PCDHA2: variants seen among roughly 807,000 people sequenced by gnomAD.
PCDHA2 encodes the protein protocadherin alpha-2.
In PCDHA2, 58 loss-of-function variants were observed where a neutral mutation model predicts 66.0. That is an observed-to-expected ratio of 0.88 (90% confidence interval 0.71 to 1.09). PCDHA2 has a LOEUF of 1.09. PCDHA2 is among the 50% of genes least tolerant of loss of function. The probability of loss-of-function intolerance (pLI) is 0.00; values close to 1 mark genes in which losing one functional copy is unlikely to be tolerated. For missense variants in PCDHA2, 1,267 were observed against 1,242.3 expected (o/e 1.02, Z -0.30); for synonymous variants, 634 against 554.0 (o/e 1.14, Z -2.03).
intron 1 of PCDHA2, chr5:140,968,133 A>G (rs782213191): frequency 1.5e-5 from 24 of 1,614,022 alleles, no homozygotes; most frequent in Middle Eastern, 3.3e-4. Flanking sequence ...CGTACACTGA[A>G]GGTTGAGATC....
intron 3 of PCDHA2, among the ~76,000 whole-genome samples, chr5:140,993,462 TCA>T (rs3836747): frequency 0.093 from 13,122 of 140,864 alleles, 629 homozygotes; most frequent in African/African-American, 0.12. Flanking sequence ...TCTTTCTTTC[TCA>T]CACACACACA....
At chr5:140,838,694 G>A (rs765335937) in intron 1 of PCDHA2, among the ~76,000 whole-genome samples, 2 of 151,960 alleles carry the variant, frequency 1.3e-5, no homozygotes, top group African/African-American at 4.8e-5. Context: ...CCAACATTTC[G>A]GGAGGCCGAG....
At chr5:140,892,850 A>G (rs2063700618) in intron 1 of PCDHA2, among the ~76,000 whole-genome samples, 1 of 152,104 alleles carries the variant, frequency 6.6e-6, no homozygotes, top group Non-Finnish European at 1.5e-5. Flanking sequence ...ACCACAACCC[A>G]TTCCTCCTGT....
chr5:140,982,218 G>T, intron 2 of PCDHA2: 1 of 523,694 alleles, frequency 1.9e-6, no homozygotes, highest in South Asian at 3.9e-5. Flanking sequence ...GCCACATGGC[G>T]TTAATAAAAA....
intron 1 of PCDHA2, among the ~76,000 whole-genome samples, chr5:140,940,470 A>G (rs182796886): frequency 4.7e-5 from 7 of 149,652 alleles, no homozygotes; most frequent in African/African-American, 9.8e-5. Flanking sequence ...GTTCCCTGCA[A>G]TTTTTTTTTT....
rs2150374471 is a variant in PCDHA2, at chr5:140,844,869, T to C, written c.2388+47517T>C. Among the ~76,000 whole-genome samples the C allele has an allele frequency of 2.0e-5, 3 of 149,476 alleles. No homozygotes were observed. The Admixed American group carries it at 2.0e-4, about 10-fold the overall frequency. On this transcript the variant is annotated intron_variant, in intron 1 of 3. Transcript: ENST00000526136. ...CTGTTGGACCTGCCTGGATATTAAA[T>C]ACCCATTAGACTTCGTGCATATTGC... is the stretch of plus-strand genomic sequence containing the variant.
chr5:140,845,533 AT>A, intron 1 of PCDHA2, among the ~76,000 whole-genome samples: 1 of 149,618 alleles, frequency 6.7e-6, no homozygotes, highest in African/African-American at 2.4e-5. Flanking sequence ...ACTTTTCACT[AT>A]TCTAATTATG....
chr5:140,871,146 T>G (rs372974792), intron 1 of PCDHA2: 2 of 1,613,386 alleles, frequency 1.2e-6, no homozygotes, highest in African/African-American at 2.7e-5. Flanking sequence ...CTTCCCGGAC[T>G]TTGGCGGGCG....
At chr5:140,802,995 G>T (rs1562190625) in intron 1 of PCDHA2, 2 of 1,614,060 alleles carry the variant, frequency 1.2e-6, no homozygotes, top group East Asian at 4.5e-5. Context: ...AGTGGATGCA[G>T]ACTCAGGCTA....
At chr5:140,844,146 A>G (rs1056681888) in intron 1 of PCDHA2, among the ~76,000 whole-genome samples, 1 of 149,130 alleles carries the variant, frequency 6.7e-6, no homozygotes, top group Non-Finnish European at 1.5e-5. Flanking sequence ...TTGTCTTTAT[A>G]TTTACTTTTA....
intron 1 of PCDHA2, chr5:140,865,693 C>T (rs1274401482): frequency 6.6e-6 from 1 of 152,076 alleles, no homozygotes; most frequent in South Asian, 2.1e-4. Context: ...TATGACTGTT[C>T]CAATTTGAAA....
intron 1 of PCDHA2, chr5:140,807,388 G>T (rs1554123918): frequency 6.7e-7 from 1 of 1,486,600 alleles, no homozygotes; most frequent in African/African-American, 1.5e-5. Flanking sequence ...TCCGGGTGGC[G>T]TCCAAGGGCC....
chr5:140,982,331 G>A lies in PCDHA2; in HGVS notation c.2448-144G>A, dbSNP rs1422921231. On this transcript the variant is annotated intron_variant, in intron 2 of 3. Coordinates refer to ENST00000526136, the MANE Select transcript of PCDHA2 (RefSeq NM_018905.3). ...GCAGTTTATGCAGGGTGACTGCTCA[G>A]CAGTAATTGCTTCAGTTCAAGCATG... The A allele has an allele frequency of 6.3e-6, 9 of 1,431,750 alleles. No individual in the cohort carries two copies. In the Admixed American group the frequency reaches 1.6e-4, roughly 26 times the overall value. 88.7% of individuals were successfully genotyped at this position (1,431,750 alleles called of 1,614,324 possible).
chr5:140,838,040 G>T (rs1775384058), intron 1 of PCDHA2, among the ~76,000 whole-genome samples: 1 of 149,654 alleles, frequency 6.7e-6, no homozygotes, highest in Non-Finnish European at 1.5e-5. Context: ...CTACCTTTCT[G>T]CACTTTTTGG....
At chr5:140,982,878 C>T (rs2097013352) in intron 3 of PCDHA2, among the ~76,000 whole-genome samples, 1 of 151,992 alleles carries the variant, frequency 6.6e-6, no homozygotes, top group South Asian at 2.1e-4. Flanking sequence ...TCATCCAAGC[C>T]ATGCAGAGAA....
Position 140,969,197 on chromosome 5 carries a change from A to G in PCDHA2, c.2389-9752A>G, listed in dbSNP as rs782342139. 4 of 1,614,132 alleles carry G rather than the reference A, an allele frequency of 2.5e-6. No individual in the cohort carries two copies. In the South Asian group the frequency reaches 4.4e-5, roughly 18 times the overall value. On this transcript the variant is annotated intron_variant, in intron 1 of 3. Coordinates refer to ENST00000526136, the MANE Select transcript of PCDHA2 (RefSeq NM_018905.3). ...GAGTGACACTTTCATGTTTTACAAT[A>G]CAGGGGCCCAGACAGGACCAGGGCC...
chr5:141,001,468 G>A (rs1375908420), intron 3 of PCDHA2, among the ~76,000 whole-genome samples: 1 of 152,226 alleles, frequency 6.6e-6, no homozygotes, highest in African/African-American at 2.4e-5. Context: ...GGACTAAGCA[G>A]CAGCGGGGAA....
At chr5:140,803,364 T>G in intron 1 of PCDHA2, 1 of 1,614,186 alleles carries the variant, frequency 6.2e-7, no homozygotes, top group South Asian at 1.1e-5. Context: ...TGCTCTGCGG[T>G]GCTCCGCGCC....
chr5:140,904,911 G>A (rs2153487307), intron 1 of PCDHA2, among the ~76,000 whole-genome samples: 1 of 152,172 alleles, frequency 6.6e-6, no homozygotes, highest in African/African-American at 2.4e-5. Flanking sequence ...TTACTGATTT[G>A]TTTGACTTCC....
Sources: allele counts gnomAD v4.1 joint callset (sites outside exome capture counted in the v4.1 genomes callset), GRCh38; gene constraint gnomAD v4.1.1; transcripts MANE v1.5; gene names NCBI Gene and HGNC (gene_info 2026-07-23, HGNC 2026-07-21).